CERT1: variants seen among roughly 807,000 people sequenced by gnomAD.
CERT1 encodes the protein ceramide transfer protein.
In CERT1, 31 loss-of-function variants were observed where a neutral mutation model predicts 87.9. That is an observed-to-expected ratio of 0.35 (90% confidence interval 0.27 to 0.48). The LOEUF is 0.48. CERT1 is among the 20% of genes least tolerant of loss of function. The pLI is 0.99. For missense variants in CERT1, 487 were observed against 758.0 expected (o/e 0.64, Z 4.20); for synonymous variants, 289 against 250.9 (o/e 1.15, Z -1.44).
At chr5:75,410,286 T>C (rs1293514315) in intron 8 of CERT1, among the ~76,000 whole-genome samples, 1 of 152,112 alleles carries the variant, frequency 6.6e-6, no homozygotes, top group African/African-American at 2.4e-5. Flanking sequence ...CAAAGACAAT[T>C]AGAACAGTTT....
chr5:75,389,078 T>C (rs1044413306), intron 12 of CERT1, among the ~76,000 whole-genome samples: 3 of 152,212 alleles, frequency 2.0e-5, no homozygotes, highest in Non-Finnish European at 4.4e-5. Context: ...TCCATCTCTG[T>C]ATCTCTCAGT....
intron 8 of CERT1, among the ~76,000 whole-genome samples, chr5:75,406,745 A>T (rs1024238425): frequency 5.2e-4 from 79 of 152,090 alleles, no homozygotes; most frequent in African/African-American, 1.7e-3. Context: ...GCGTTTCACC[A>T]TGTTGGCCAG....
chr5:75,510,607 C>G (rs1302102939), intron 1 of CERT1, among the ~76,000 whole-genome samples: 1 of 152,146 alleles, frequency 6.6e-6, no homozygotes, highest in East Asian at 1.9e-4. Flanking sequence ...ATTCATCTGT[C>G]TCACTACATC....
At chr5:75,419,099 G>C (rs1378398565) in intron 6 of CERT1, among the ~76,000 whole-genome samples, 1 of 152,100 alleles carries the variant, frequency 6.6e-6, no homozygotes, top group East Asian at 1.9e-4. Flanking sequence ...CAAGACAAGG[G>C]AAAAAAATTG....
At chr5:75,437,061 C>T (rs1764127043) in intron 3 of CERT1, among the ~76,000 whole-genome samples, 1 of 152,206 alleles carries the variant, frequency 6.6e-6, no homozygotes. Flanking sequence ...CCTGGGATTA[C>T]AGGCAGGAGC....
At chr5:75,382,781 T>C (rs1047765486) in intron 14 of CERT1, among the ~76,000 whole-genome samples, 17 of 151,908 alleles carry the variant, frequency 1.1e-4, no homozygotes, top group African/African-American at 4.1e-4. Context: ...TAGCATACAA[T>C]ACAAATCATT....
intron 3 of CERT1, among the ~76,000 whole-genome samples, chr5:75,428,547 G>A (rs942800903): frequency 3.0e-4 from 46 of 151,956 alleles, no homozygotes; most frequent in African/African-American, 9.2e-4. Flanking sequence ...GCGCAGTGGC[G>A]GGCGCCTGTA....
intron 3 of CERT1, among the ~76,000 whole-genome samples, chr5:75,447,570 A>T (rs1764601524): frequency 6.6e-6 from 1 of 151,820 alleles, no homozygotes; most frequent in Non-Finnish European, 1.5e-5. Flanking sequence ...TCCCAGGTTC[A>T]TGCCATTCTC....
intron 3 of CERT1, among the ~76,000 whole-genome samples, chr5:75,453,831 A>T (rs1273819351): frequency 6.6e-6 from 1 of 151,934 alleles, no homozygotes; most frequent in East Asian, 1.9e-4. Flanking sequence ...TATGTGAGAG[A>T]GAGAGAGAGA....
chr5:75,452,999 A>T (rs1351443792), intron 3 of CERT1, among the ~76,000 whole-genome samples: 3 of 152,190 alleles, frequency 2.0e-5, no homozygotes, highest in African/African-American at 7.2e-5. Flanking sequence ...TAATTTTTGA[A>T]TTTAAGAATG....
upstream of CERT1, chr5:75,511,717 C>A: frequency 1.3e-6 from 2 of 1,547,032 alleles, no homozygotes; most frequent in Non-Finnish European, 1.7e-6. Context: ...CGGCGTCTGA[C>A]GCGACACGCC....
At chr5:75,499,585 C>T (rs1767247951) in intron 2 of CERT1, among the ~76,000 whole-genome samples, 1 of 152,144 alleles carries the variant, frequency 6.6e-6, no homozygotes, top group Non-Finnish European at 1.5e-5. Context: ...TTATAAATTA[C>T]CCAGTCTCAG....
In CERT1 at chr5:75,379,443, A is replaced by T; in HGVS notation, c.1778T>A (p.Val593Glu). The T allele has an allele frequency of 6.2e-7, 1 of 1,613,824 alleles. No homozygotes were observed. The highest frequency in any genetic ancestry group is 8.5e-7 in the Non-Finnish European group (1 of 1,179,812). ...CTCTCGCTTTGCCACTGCCCTTAAC[A>T]CTGAGGCTGGTGCCCATCCTCCAGG... ...VNPGGWAPAS[V>E]LRAVAKREYP... The change falls in exon 17 of 17, where the codon GTG (valine) becomes GAG (glutamate). Residue 593 changes from valine (V) to glutamate (E), a missense_variant. By Grantham distance (121) the Val-to-Glu change is moderately radical. This residue lies in a region of CERT1 where 33 missense variants were observed against 64.4 expected (regional missense o/e 0.51). Transcript: ENST00000643780.
chr5:75,473,096 T>A (rs1765789832), intron 2 of CERT1, among the ~76,000 whole-genome samples: 1 of 152,168 alleles, frequency 6.6e-6, no homozygotes, highest in African/African-American at 2.4e-5. Flanking sequence ...GTTGTTTTTT[T>A]AAGACACAGG....
Position 75,471,991 on chromosome 5 carries a change from T to C in CERT1, c.232-12810A>G, listed in dbSNP as rs1037848416. On this transcript the variant is annotated intron_variant, in intron 2 of 16. Coordinates refer to ENST00000643780, the MANE Select transcript of CERT1 (RefSeq NM_001379029.1). Reference sequence around the variant, plus strand: ...AAGGAATCTTAAGCAAGAAGAACAATGCTGGAGAGGATCACACTACCTGAC... The same window carrying C: ...AAGGAATCTTAAGCAAGAAGAACAACGCTGGAGAGGATCACACTACCTGAC... 5.3e-5 allele frequency among the ~76,000 whole-genome samples: 8 copies of C among 152,178 alleles called. No individual in the cohort carries two copies. The South Asian group carries it at 1.2e-3, about 24-fold the overall frequency.
chr5:75,501,046 T>C (rs1335217426), intron 2 of CERT1, among the ~76,000 whole-genome samples: 4 of 151,500 alleles, frequency 2.6e-5, no homozygotes, highest in Non-Finnish European at 5.9e-5. Context: ...TGGAGGGCAA[T>C]GGCATCACCT....
At chr5:75,437,258 T>C (rs556976535) in intron 3 of CERT1, among the ~76,000 whole-genome samples, 4 of 152,320 alleles carry the variant, frequency 2.6e-5, no homozygotes, top group Admixed American at 6.5e-5. Context: ...CTTATGTATT[T>C]CTTCAAGTTC....
At chr5:75,444,815 G>A (rs141986280) in intron 3 of CERT1, among the ~76,000 whole-genome samples, 1 of 151,858 alleles carries the variant, frequency 6.6e-6, no homozygotes, top group East Asian at 1.9e-4. Flanking sequence ...AAAGTGCTGG[G>A]ATTACAGGCA....
At chr5:75,503,628 CCA>C (rs1268310340) in intron 2 of CERT1, among the ~76,000 whole-genome samples, 1 of 151,854 alleles carries the variant, frequency 6.6e-6, no homozygotes, top group Non-Finnish European at 1.5e-5. Flanking sequence ...TCTAAGACTA[CCA>C]CACAGATTTT....
Sources: allele counts gnomAD v4.1 joint callset (sites outside exome capture counted in the v4.1 genomes callset), GRCh38; gene constraint gnomAD v4.1.1; regional missense constraint gnomAD v4.1.1; transcripts MANE v1.5; gene names NCBI Gene and HGNC (gene_info 2026-07-23, HGNC 2026-07-21).